Variants in ITPR1 observed in about 807,000 individuals in gnomAD.
ITPR1 encodes inositol 1,4,5-trisphosphate receptor type 1, also known as inositol 1,4,5-trisphosphate-gated calcium channel ITPR1.
ITPR1 carries 96 observed loss-of-function variants against 318.4 expected under a neutral mutation model. The ratio of observed to expected loss-of-function variants is 0.30; its 90% CI spans 0.26 to 0.36. ITPR1 has a LOEUF of 0.36. Among genes scored for constraint, ITPR1 ranks in the 10% least tolerant of loss-of-function variants. ITPR1 has a pLI of 1.00. For synonymous variants in ITPR1, 1,312 were observed against 1,289.9 expected, an observed-to-expected ratio of 1.02 and a Z score of -0.37; for missense variants, 2,440 against 3,460.2, an observed-to-expected ratio of 0.71 and a Z score of 7.40.
intron 59 of ITPR1, 79 bp downstream of exon 59, chr3:4,815,297 T>C: frequency 7.1e-7 from 1 of 1,417,206 alleles, no homozygotes; most frequent in Non-Finnish European, 9.7e-7. Context: ...GAGGGTGTGA[T>C]GGGCGGGGTG....
intron 4 of ITPR1, among the ~76,000 whole-genome samples, chr3:4,550,634 A>G (rs1478069229): frequency 6.6e-6 from 1 of 152,210 alleles, no homozygotes; most frequent in Non-Finnish European, 1.5e-5. Flanking sequence ...TAAAAAAAAG[A>G]AGAAACACTG....
intron 4 of ITPR1, among the ~76,000 whole-genome samples, chr3:4,555,942 A>T (rs2086078851): frequency 6.6e-6 from 1 of 152,296 alleles, no homozygotes; most frequent in East Asian, 1.9e-4. Flanking sequence ...CAGGATTTGC[A>T]CACAAGCACT....
intron 18 of ITPR1, 138 bp from the exon 19 acceptor site, chr3:4,669,516 T>C: frequency 1.5e-6 from 1 of 685,496 alleles, no homozygotes; most frequent in Non-Finnish European, 2.2e-6. Context: ...GCCATAAACA[T>C]TGGCATCAAG....
At position 4,653,996 on chromosome 3, in the gene ITPR1, G is replaced by A. The variant is rs13316843; in HGVS notation, c.996+110G>A. ...TGGTCACGGAGTGCTGGGGAAGGAGGAACCTTAGGCTCCCTTAAAACACGA... is the reference window on the plus strand; with the variant it reads ...TGGTCACGGAGTGCTGGGGAAGGAGAAACCTTAGGCTCCCTTAAAACACGA... On this transcript the variant is annotated intron_variant, in intron 12 of 61. Coordinates refer to ENST00000649015, the MANE Select transcript of ITPR1 (RefSeq NM_001378452.1). The A allele has an allele frequency of 0.13, 92,698 of 730,576 alleles. 6,864 individuals are homozygous for A. The highest frequency in any genetic ancestry group is 0.2 in the African/African-American group (11,206 of 56,474). 45.3% of individuals were successfully genotyped at this position (730,576 alleles called of 1,614,324 possible).
chr3:4,596,355 G>A (rs546447327), intron 4 of ITPR1, among the ~76,000 whole-genome samples: 1 of 152,232 alleles, frequency 6.6e-6, no homozygotes, highest in South Asian at 2.1e-4. Context: ...TTTTAAAAAT[G>A]TTTATGTCTA....
At chr3:4,605,240 C>G (rs2125089306) in intron 4 of ITPR1, among the ~76,000 whole-genome samples, 1 of 152,278 alleles carries the variant, frequency 6.6e-6, no homozygotes, top group Non-Finnish European at 1.5e-5. Flanking sequence ...GCCTGAGCCA[C>G]CCTGCCCGGC....
intron 5 of ITPR1, among the ~76,000 whole-genome samples, chr3:4,634,684 A>C (rs940453170): frequency 6.6e-6 from 1 of 152,152 alleles, no homozygotes; most frequent in African/African-American, 2.4e-5. Flanking sequence ...TTTTATTTTG[A>C]TGTTTTCCCT....
At chr3:4,755,767 G>A (rs543014640) in intron 44 of ITPR1, among the ~76,000 whole-genome samples, 8 of 152,338 alleles carry the variant, frequency 5.3e-5, no homozygotes, top group African/African-American at 1.4e-4. Flanking sequence ...CCCTTGCCTG[G>A]CAGGGTAGTT....
intron 60 of ITPR1, among the ~76,000 whole-genome samples, 180 bp from the exon 61 acceptor site, chr3:4,836,594 A>C (rs1314115311): frequency 6.6e-6 from 1 of 152,146 alleles, no homozygotes. Flanking sequence ...CATTGTATGC[A>C]ATTAAAAAGA....
chr3:4,601,652 G>A (rs1451991490), intron 4 of ITPR1, among the ~76,000 whole-genome samples: 1 of 152,174 alleles, frequency 6.6e-6, no homozygotes, highest in East Asian at 1.9e-4. Context: ...TTGGGTGACA[G>A]GTTCTTAATA....
At chr3:4,630,796 C>T (rs1184804407) in intron 5 of ITPR1, among the ~76,000 whole-genome samples, 1 of 151,974 alleles carries the variant, frequency 6.6e-6, no homozygotes, top group Non-Finnish European at 1.5e-5. Flanking sequence ...CCATGTTGGC[C>T]AGGCTGGTCT....
chr3:4,628,861 G>C (rs1407066862), intron 5 of ITPR1, among the ~76,000 whole-genome samples: 1 of 152,238 alleles, frequency 6.6e-6, no homozygotes, highest in Non-Finnish European at 1.5e-5. Flanking sequence ...GAGCATCTGT[G>C]AGCCCCAAGC....
In ITPR1 at chr3:4,685,020, C is replaced by G. The variant is rs536480294; in HGVS notation, c.3565-49C>G. The G allele has an allele frequency of 5.1e-6, 8 of 1,582,652 alleles. No individual in the cohort carries two copies. The East Asian group carries it at 1.1e-4, about 22-fold the overall frequency. On this transcript the variant is annotated intron_variant, in intron 29 of 61. Transcript: ENST00000649015. ...CGCCACCACCCTCTGCAATCTTTTT[C>G]CAGCTATAGTTCCTAGTTTTCTGAG...
At position 4,617,603 on chromosome 3, in the gene ITPR1, A is replaced by G. The variant is rs1432149782; in HGVS notation, c.164-10160A>G. On this transcript the variant is annotated intron_variant, in intron 4 of 61. Coordinates refer to ENST00000649015, the MANE Select transcript of ITPR1 (RefSeq NM_001378452.1). ...AGTTTTGGAGGAGACAAACATTCAAATCATAAGATCCAGATTTTGTTGTTT... is the reference window on the plus strand; with the variant it reads ...AGTTTTGGAGGAGACAAACATTCAAGTCATAAGATCCAGATTTTGTTGTTT... 5.3e-5 allele frequency among the ~76,000 whole-genome samples: 8 copies of G among 152,320 alleles called. No homozygotes were observed. The East Asian group carries it at 1.5e-3, about 29-fold the overall frequency.
chr3:4,827,834 T>G (rs1179063266), intron 60 of ITPR1, among the ~76,000 whole-genome samples: 1 of 152,190 alleles, frequency 6.6e-6, no homozygotes, highest in Non-Finnish European at 1.5e-5. Context: ...ACCATCCACA[T>G]GGCCGATGAT....
chr3:4,593,518 C>T (rs765291162), intron 4 of ITPR1, among the ~76,000 whole-genome samples: 1 of 152,142 alleles, frequency 6.6e-6, no homozygotes, highest in Non-Finnish European at 1.5e-5. Context: ...ACAACGTGAA[C>T]ACAAGAAAGC....
At chr3:4,500,158 C>T (rs1434843899) in intron 2 of ITPR1, among the ~76,000 whole-genome samples, 2 of 152,204 alleles carry the variant, frequency 1.3e-5, no homozygotes, top group East Asian at 1.9e-4. Context: ...CAAGAATCGG[C>T]CTTTTCTCCA....
At chr3:4,618,742 C>T (rs547957387) in intron 4 of ITPR1, among the ~76,000 whole-genome samples, 1 of 152,344 alleles carries the variant, frequency 6.6e-6, no homozygotes, top group South Asian at 2.1e-4. Flanking sequence ...GAGCACTTTG[C>T]CTCTGCTCCA....
chr3:4,746,047 G>A (rs1347070345), intron 44 of ITPR1, among the ~76,000 whole-genome samples: 1 of 152,238 alleles, frequency 6.6e-6, no homozygotes, highest in African/African-American at 2.4e-5. Flanking sequence ...GCTGGGAATG[G>A]AGGAGCAGCG....
Sources: allele counts gnomAD v4.1 joint callset (sites outside exome capture counted in the v4.1 genomes callset), GRCh38; gene constraint gnomAD v4.1.1; transcripts MANE v1.5; gene names NCBI Gene and HGNC (gene_info 2026-07-23, HGNC 2026-07-21).